The following KDM5B variants were observed in gnomAD, a reference collection of about 807,000 sequenced individuals.
The protein encoded by KDM5B is lysine demethylase 5B, also known as lysine-specific demethylase 5B.
Under a neutral mutation model 193.4 loss-of-function variants are expected in KDM5B, and 144 were observed. The observed-to-expected ratio is 0.74, with a 90% CI of 0.65 to 0.86. The LOEUF (loss-of-function observed/expected upper bound fraction) is 0.86. Among genes scored for constraint, KDM5B ranks in the 40% least tolerant of loss-of-function variants. KDM5B has a pLI of 0.00. For missense variants in KDM5B, 1,833 were observed against 1,886.9 expected (o/e 0.97, Z 0.53); for synonymous variants, 668 against 682.6 (o/e 0.98, Z 0.33).
At chr1:202,744,746 T>TCCA (rs1655486084) in intron 16 of KDM5B, among the ~76,000 whole-genome samples, 1 of 152,182 alleles carries the variant, frequency 6.6e-6, no homozygotes, top group East Asian at 1.9e-4. Flanking sequence ...TGGTGATTCT[T>TCCA]CAAAGATCTA....
At chr1:202,780,531 T>C (rs1356403722) in intron 1 of KDM5B, among the ~76,000 whole-genome samples, 1 of 152,108 alleles carries the variant, frequency 6.6e-6, no homozygotes, top group East Asian at 1.9e-4. Flanking sequence ...AAATATCTAT[T>C]ACCACTCACA....
chr1:202,797,322 T>G (rs894958463), intron 1 of KDM5B, among the ~76,000 whole-genome samples: 3 of 152,046 alleles, frequency 2.0e-5, no homozygotes, highest in African/African-American at 7.2e-5. Flanking sequence ...TTTCCTACCC[T>G]CCAAGTTCAA....
Position 202,756,338 on chromosome 1 carries a change from C to G in KDM5B, c.1356+20G>C, listed in dbSNP as rs767382584. On this transcript the variant is annotated intron_variant, in intron 10 of 26. Coordinates refer to ENST00000367265, the MANE Select transcript of KDM5B (RefSeq NM_006618.5). ...GAATTTCAATAAATACCTCAATTTCCAAGCCACTTATATGCCTACCTCTTC... is the reference window on the plus strand; with the variant it reads ...GAATTTCAATAAATACCTCAATTTCGAAGCCACTTATATGCCTACCTCTTC... The G allele has an allele frequency of 4.5e-6, 7 of 1,562,844 alleles. No individual in the cohort carries two copies. Among genetic ancestry groups the G allele is most frequent in the Non-Finnish European group, 6.1e-6 (7 of 1,154,878 alleles).
At chr1:202,786,414 ACT>A (rs71868538) in intron 1 of KDM5B, among the ~76,000 whole-genome samples, 8,957 of 152,234 alleles carry the variant, frequency 0.059, 452 homozygotes, top group East Asian at 0.24. Context: ...CAGACAACAC[ACT>A]GAGAGTAGAT....
At chr1:202,742,618 C>G (rs765416169) in intron 17 of KDM5B, 37 bp downstream of exon 17, 2 of 1,611,112 alleles carry the variant, frequency 1.2e-6, no homozygotes, top group Non-Finnish European at 1.7e-6. Flanking sequence ...AACATAGGTG[C>G]CAAAGAATCC....
At chr1:202,750,542 T>A (rs2102251198) in intron 13 of KDM5B, 117 bp downstream of exon 13, 1 of 1,092,318 alleles carries the variant, frequency 9.2e-7, no homozygotes, top group Non-Finnish European at 1.3e-6. Flanking sequence ...CCGAAAGCGC[T>A]GGGATTATAG....
At chr1:202,807,981 C>G (rs1166492095) in intron 1 of KDM5B, 121 bp downstream of exon 1, 1 of 1,040,580 alleles carries the variant, frequency 9.6e-7, no homozygotes, top group Non-Finnish European at 1.3e-6. Context: ...CAGCCCCAAA[C>G]TTGACGAGGC....
rs753359729 is a variant in KDM5B at position 202,753,012 on chromosome 1, T to G, written c.1594A>C (p.Asn532His). Residue 532 changes from asparagine to histidine, a missense_variant, in exon 12 of 27, where the codon AAT becomes CAT. Transcript: ENST00000367265. ...TCTGGAGCTAGTTTCTTCATTACAT[T>G]TTCTAGCTGCTCAGCAGCATACCCT... is the stretch of plus-strand genomic sequence containing the variant. ...VPGYAAEQLE[N>H]VMKKLAPELF... 1.2e-6 allele frequency: 2 copies of G among 1,614,102 alleles called. No homozygotes were observed. Among genetic ancestry groups the G allele is most frequent in the Non-Finnish European group, 1.7e-6 (2 of 1,179,992 alleles).
Position 202,759,330 on chromosome 1 carries a change from G to C in KDM5B, c.1078-820C>G, listed in dbSNP as rs77413119. On this transcript the variant is annotated intron_variant, in intron 8 of 26. Coordinates refer to ENST00000367265, the MANE Select transcript of KDM5B (RefSeq NM_006618.5). ...GGGGCAGGAGGATCACCTGAGCTCC[G>C]GAGTTCTGAGACCAGCATGGACAAC... Among the ~76,000 whole-genome samples, 1,478 of 152,084 alleles carry C rather than the reference G, an allele frequency of 9.7e-3. 28 individuals carry two copies. Among genetic ancestry groups the C allele is most frequent in the African/African-American group, 0.034 (1,391 of 41,482 alleles).
intron 12 of KDM5B, among the ~76,000 whole-genome samples, chr1:202,751,237 T>C (rs1346102846): frequency 2.0e-5 from 3 of 152,088 alleles, no homozygotes; most frequent in African/African-American, 7.2e-5. Context: ...CAAAAGTACC[T>C]ATATTGCTCT....
chr1:202,742,690 A>C lies in KDM5B; in HGVS notation c.2439T>G (p.Val813=). The C allele has an allele frequency of 1.2e-6, 2 of 1,614,112 alleles. No homozygotes were observed. The highest frequency in any genetic ancestry group is 1.7e-6 in the Non-Finnish European group (2 of 1,180,032). Residue 813 remains valine (V), a synonymous_variant, in exon 17 of 27, where the codon GTT becomes GTG. Coordinates refer to ENST00000367265, the MANE Select transcript of KDM5B (RefSeq NM_006618.5). The part of the protein sequence containing the change: ...VTQDAEKCAS[V]AQQLLNGKRQ... ...TTTTGCCATTAAGCAACTGCTGCGC[A>C]ACAGAGGCACACTTCTCTGCATCCT...
chr1:202,729,321 AGT>A, intron 26 of KDM5B, 148 bp from the exon 27 acceptor site: 1 of 805,130 alleles, frequency 1.2e-6, no homozygotes, highest in Non-Finnish European at 2.0e-6. Context: ...AAGCCAAATG[AGT>A]GTAGCTGGCC....
intron 1 of KDM5B, among the ~76,000 whole-genome samples, chr1:202,802,408 T>C (rs1658113319): frequency 6.6e-6 from 1 of 152,024 alleles, no homozygotes; most frequent in South Asian, 2.1e-4. Context: ...TGTTGTTGTG[T>C]TTGTTTTCTT....
intron 11 of KDM5B, 36 bp from the exon 12 acceptor site, chr1:202,753,103 C>T: frequency 1.3e-6 from 2 of 1,572,962 alleles, no homozygotes; most frequent in Non-Finnish European, 1.7e-6. Flanking sequence ...CAATCTGCAA[C>T]ACCAACACAA....
chr1:202,736,651 T>C (rs556764470), intron 20 of KDM5B, among the ~76,000 whole-genome samples: 6 of 151,998 alleles, frequency 3.9e-5, no homozygotes, highest in African/African-American at 9.7e-5. Flanking sequence ...TTGTTTTTTT[T>C]TTCTTTTTTT....
intron 1 of KDM5B, among the ~76,000 whole-genome samples, chr1:202,788,331 A>G (rs1278011475): frequency 6.6e-6 from 1 of 152,232 alleles, no homozygotes; most frequent in Admixed American, 6.5e-5. Flanking sequence ...TTTTACAGAT[A>G]GGCCATGGTG....
intron 3 of KDM5B, 92 bp from the exon 4 acceptor site, chr1:202,773,380 G>C (rs1330609110): frequency 1.9e-6 from 2 of 1,060,882 alleles, no homozygotes; most frequent in African/African-American, 3.2e-5. Context: ...TCTTGGCTAT[G>C]GTTATCTTTT....
In KDM5B at chr1:202,733,765, T is replaced by C; in HGVS notation, c.3545A>G (p.Gln1182Arg). 6.2e-7 allele frequency: 1 copy of C among 1,614,180 alleles called. No homozygotes were observed. The highest frequency in any genetic ancestry group is 8.5e-7 in the Non-Finnish European group (1 of 1,180,018). ...AATCATAGGGGCAGCTGGGGCCTTC[T>C]GACATAGGCAGATTTTTATATCCAC... ...QDVDIKICLC[Q>R]KAPAAPMIQC... Residue 1182 changes from glutamine (Q) to arginine (R), a missense_variant, in exon 23 of 27, where the codon CAG becomes CGG. By Grantham distance (43) the Gln-to-Arg change is conservative (BLOSUM62 1). Transcript: ENST00000367265.
intron 1 of KDM5B, among the ~76,000 whole-genome samples, chr1:202,792,972 C>A (rs928580316): frequency 6.7e-6 from 1 of 150,234 alleles, no homozygotes; most frequent in Non-Finnish European, 1.5e-5. Context: ...ACTCCAACTC[C>A]AGCCTGGGCC....
Sources: gnomAD v4.1 joint callset for allele counts (sites outside exome capture counted in the v4.1 genomes callset) on GRCh38, gnomAD v4.1.1 for gene constraint, MANE v1.5 for transcripts, NCBI Gene and HGNC (gene_info 2026-07-23, HGNC 2026-07-21) for gene names.